The following EYA2 variants were observed in gnomAD, a reference collection of about 807,000 sequenced individuals.
EYA2 encodes the protein EYA transcriptional coactivator and phosphatase 2.
In EYA2, 31 loss-of-function variants were observed where a neutral mutation model predicts 69.2. The observed-to-expected ratio is 0.45, with a 90% CI of 0.34 to 0.60. EYA2 has a LOEUF of 0.60. Ranked by LOEUF, EYA2 falls within the 20% of genes least tolerant of loss-of-function variation. EYA2 has a pLI of 0.02. For missense variants in EYA2, 622 were observed against 701.2 expected, an observed-to-expected ratio of 0.89 and a Z score of 1.28; for synonymous variants, 257 against 279.4, an observed-to-expected ratio of 0.92 and a Z score of 0.80.
At chr20:47,131,077 GA>G (rs1252754917) in intron 9 of EYA2, among the ~76,000 whole-genome samples, 6 of 151,870 alleles carry the variant, frequency 4.0e-5, no homozygotes, top group Non-Finnish European at 5.9e-5. Flanking sequence ...CTACAAGAGC[GA>G]AACTCCATCT....
At chr20:47,121,383 G>C (rs138090197) in intron 9 of EYA2, among the ~76,000 whole-genome samples, 5 of 152,084 alleles carry the variant, frequency 3.3e-5, no homozygotes, top group African/African-American at 1.2e-4. Flanking sequence ...ATGAGCCACC[G>C]TGCCCCGCCA....
chr20:47,006,493 T>G (rs144108507), intron 4 of EYA2, among the ~76,000 whole-genome samples: 1 of 152,326 alleles, frequency 6.6e-6, no homozygotes, highest in African/African-American at 2.4e-5. Context: ...TTTCCTCAAT[T>G]GTAAAATTAA....
intron 1 of EYA2, among the ~76,000 whole-genome samples, chr20:46,939,529 C>T (rs764157320): frequency 3.3e-5 from 5 of 151,944 alleles, no homozygotes; most frequent in Non-Finnish European, 5.9e-5. Flanking sequence ...TCAATAAGTT[C>T]CCCTTTTTAT....
chr20:47,063,456 G>A (rs993828862), intron 5 of EYA2, among the ~76,000 whole-genome samples: 1 of 151,230 alleles, frequency 6.6e-6, no homozygotes, highest in East Asian at 1.9e-4. Flanking sequence ...CAGGAGAATA[G>A]GGTCTGGAGG....
chr20:47,099,777 G>A (rs2032371020), intron 9 of EYA2, among the ~76,000 whole-genome samples: 1 of 151,772 alleles, frequency 6.6e-6, no homozygotes, highest in African/African-American at 2.4e-5. Flanking sequence ...CATCTAAATT[G>A]CGTCTGTCCT....
At chr20:46,914,227 CATGAAGATG>C (rs755002001) in intron 1 of EYA2, among the ~76,000 whole-genome samples, 4 of 152,192 alleles carry the variant, frequency 2.6e-5, no homozygotes, top group Non-Finnish European at 5.9e-5. Context: ...GGATTAACCT[CATGAAGATG>C]AATATTCCAC....
intron 3 of EYA2, among the ~76,000 whole-genome samples, chr20:47,002,931 C>T (rs566159259): frequency 1.6e-4 from 24 of 152,228 alleles, no homozygotes; most frequent in Non-Finnish European, 3.2e-4. Context: ...GGCATAGGGA[C>T]ATCTGTTTAT....
At chr20:46,951,362 C>T (rs186182251) in intron 1 of EYA2, among the ~76,000 whole-genome samples, 1 of 152,254 alleles carries the variant, frequency 6.6e-6, no homozygotes, top group East Asian at 1.9e-4. Flanking sequence ...TAAAGCTTAT[C>T]CTAGCGTCTG....
intron 1 of EYA2, among the ~76,000 whole-genome samples, chr20:46,928,236 C>T (rs963592037): frequency 6.6e-6 from 1 of 152,142 alleles, no homozygotes; most frequent in African/African-American, 2.4e-5. Flanking sequence ...AGTTCCAGGA[C>T]GTGAGTTTGA....
At chr20:47,137,911 T>C (rs2033512740) in intron 9 of EYA2, among the ~76,000 whole-genome samples, 1 of 151,368 alleles carries the variant, frequency 6.6e-6, no homozygotes, top group Non-Finnish European at 1.5e-5. Flanking sequence ...ACAGCGCGTA[T>C]TCTCACTCAT....
intron 9 of EYA2, among the ~76,000 whole-genome samples, chr20:47,136,575 C>T (rs1041478011): frequency 7.9e-5 from 12 of 151,944 alleles, no homozygotes; most frequent in African/African-American, 2.4e-5. Flanking sequence ...AAGACCCTGT[C>T]TCTACACAAA....
At chr20:47,187,141 G>C (rs1022060440) in intron 15 of EYA2, among the ~76,000 whole-genome samples, 2 of 152,162 alleles carry the variant, frequency 1.3e-5, no homozygotes, top group African/African-American at 4.8e-5. Context: ...GGCTGAGGTG[G>C]GTGGATCGCT....
rs772816884 is a variant in EYA2 at position 47,057,575 on chromosome 20, T to C, written c.416-14610T>C. Among the ~76,000 whole-genome samples the C allele has an allele frequency of 8.5e-4, 127 of 149,076 alleles. 1 individual carries two copies. Among genetic ancestry groups the C allele is most frequent in the Non-Finnish European group, 3.1e-4 (21 of 67,468 alleles). On this transcript the variant is annotated intron_variant, in intron 5 of 15. Coordinates refer to ENST00000327619, the MANE Select transcript of EYA2 (RefSeq NM_005244.5). ...TGCAGTCCTGGTAGGTTTTCAGCAATTTTATTTTCACATCAACATCAGTAA... is the reference window on the plus strand; with the variant it reads ...TGCAGTCCTGGTAGGTTTTCAGCAACTTTATTTTCACATCAACATCAGTAA...
chr20:47,135,031 G>T (rs1215412614), intron 9 of EYA2, among the ~76,000 whole-genome samples: 1 of 148,110 alleles, frequency 6.8e-6, no homozygotes, highest in East Asian at 2.0e-4. Flanking sequence ...GGAGGCTGAG[G>T]CACAAGAATG....
At chr20:47,028,993 A>G (rs570814375) in intron 5 of EYA2, among the ~76,000 whole-genome samples, 1 of 152,382 alleles carries the variant, frequency 6.6e-6, no homozygotes, top group South Asian at 2.1e-4. Flanking sequence ...AAAAGACTTA[A>G]ATTGGTAGCA....
chr20:47,052,448 A>G (rs1162983137), intron 5 of EYA2, among the ~76,000 whole-genome samples: 1 of 152,186 alleles, frequency 6.6e-6, no homozygotes, highest in Non-Finnish European at 1.5e-5. Flanking sequence ...CAGAACCTTC[A>G]GAGTCTGTGA....
At chr20:47,055,952 C>T (rs1309143976) in intron 5 of EYA2, among the ~76,000 whole-genome samples, 1 of 152,196 alleles carries the variant, frequency 6.6e-6, no homozygotes, top group Non-Finnish European at 1.5e-5. Context: ...ATGGCTCTTC[C>T]CGCCCCTGCT....
At chr20:46,932,794 G>A (rs909552940) in intron 1 of EYA2, among the ~76,000 whole-genome samples, 5 of 152,144 alleles carry the variant, frequency 3.3e-5, no homozygotes, top group African/African-American at 1.2e-4. Context: ...GCTGAGGCAG[G>A]AGAATCGCTT....
At chr20:46,988,509 C>T (rs1385737946) in intron 1 of EYA2, among the ~76,000 whole-genome samples, 1 of 152,072 alleles carries the variant, frequency 6.6e-6, no homozygotes, top group Non-Finnish European at 1.5e-5. Context: ...GTTTCATTAA[C>T]CAAGTAATAA....
Sources: allele counts gnomAD v4.1 joint callset (sites outside exome capture counted in the v4.1 genomes callset), GRCh38; gene constraint gnomAD v4.1.1; transcripts MANE v1.5; gene names NCBI Gene and HGNC (gene_info 2026-07-23, HGNC 2026-07-21).